Variants in ILKAP observed in about 807,000 individuals in gnomAD.
ILKAP encodes the protein integrin-linked kinase-associated serine/threonine phosphatase 2C.
Under a neutral mutation model 49.1 loss-of-function variants are expected in ILKAP, and 11 were observed. The ratio of observed to expected loss-of-function variants is 0.22; its 90% CI spans 0.14 to 0.37. The LOEUF (loss-of-function observed/expected upper bound fraction) is 0.37. ILKAP is among the 10% of genes least tolerant of loss of function. ILKAP has a pLI of 1.00. For missense variants in ILKAP, 363 were observed against 510.8 expected (o/e 0.71, Z 2.79); for synonymous variants, 186 against 192.8 (o/e 0.96, Z 0.29).
At chr2:238,183,179 C>T (rs1693767131) in intron 8 of ILKAP, among the ~76,000 whole-genome samples, 2 of 152,262 alleles carry the variant, frequency 1.3e-5, no homozygotes, top group Admixed American at 1.3e-4. Flanking sequence ...AGCCAGGGAC[C>T]GGGCTCGGGT....
chr2:238,203,115 G>A (rs1216909683), intron 1 of ILKAP, among the ~76,000 whole-genome samples: 1 of 151,536 alleles, frequency 6.6e-6, no homozygotes, highest in Non-Finnish European at 1.5e-5. Flanking sequence ...GACGCGCAAG[G>A]CAGCCCAGGC....
intron 7 of ILKAP, 74 bp from the exon 8 acceptor site, chr2:238,183,814 T>C: frequency 8.8e-7 from 1 of 1,140,372 alleles, no homozygotes; most frequent in South Asian, 1.3e-5. Flanking sequence ...CAGAGCTCAA[T>C]GGGAAGTATC....
intron 6 of ILKAP, 51 bp from the exon 7 acceptor site, chr2:238,184,164 C>T (rs1191595066): frequency 1.0e-6 from 1 of 973,764 alleles, no homozygotes; most frequent in African/African-American, 1.6e-5. Flanking sequence ...GGAAGATTAT[C>T]CTCCTCCCAC....
At chr2:238,201,646 G>GC (rs1694573889) in intron 1 of ILKAP, among the ~76,000 whole-genome samples, 1 of 152,224 alleles carries the variant, frequency 6.6e-6, no homozygotes, top group Non-Finnish European at 1.5e-5. Context: ...GAGTTGCCAG[G>GC]TTTTTTGTCA....
intron 1 of ILKAP, among the ~76,000 whole-genome samples, chr2:238,195,566 T>G (rs1452203160): frequency 6.6e-6 from 1 of 152,234 alleles, no homozygotes; most frequent in Non-Finnish European, 1.5e-5. Flanking sequence ...CACATAAAAT[T>G]TAACGACCAT....
chr2:238,171,613 G>A (rs540002759), intron 10 of ILKAP, among the ~76,000 whole-genome samples: 8 of 152,224 alleles, frequency 5.3e-5, no homozygotes, highest in Non-Finnish European at 1.2e-4. Context: ...ATTAGGTGCT[G>A]TACTTTCTTA....
intron 9 of ILKAP, among the ~76,000 whole-genome samples, chr2:238,175,708 G>C (rs1239721020): frequency 6.6e-6 from 1 of 152,192 alleles, no homozygotes; most frequent in African/African-American, 2.4e-5. Context: ...TGATGAAGCT[G>C]GTTGGGACTC....
At chr2:238,193,696 G>T (rs556676405) in intron 3 of ILKAP, among the ~76,000 whole-genome samples, 43 of 152,190 alleles carry the variant, frequency 2.8e-4, no homozygotes, top group African/African-American at 1.0e-3. Flanking sequence ...AAATATACCT[G>T]CATACGAAAT....
intron 1 of ILKAP, among the ~76,000 whole-genome samples, chr2:238,198,633 C>T (rs1287815931): frequency 6.6e-6 from 1 of 152,052 alleles, no homozygotes; most frequent in African/African-American, 2.4e-5. Flanking sequence ...TGGAAGAGGC[C>T]CCTCCCCTAA....
chr2:238,180,883 G>A (rs1693661427), intron 9 of ILKAP, among the ~76,000 whole-genome samples: 1 of 152,242 alleles, frequency 6.6e-6, no homozygotes, highest in Non-Finnish European at 1.5e-5. Context: ...ACAAGAAAGG[G>A]GAGAAGAGGT....
intron 10 of ILKAP, among the ~76,000 whole-genome samples, 196 bp from the exon 11 acceptor site, chr2:238,171,220 C>T (rs531810650): frequency 8.4e-4 from 121 of 144,876 alleles, no homozygotes; most frequent in African/African-American, 3.0e-3. Context: ...AGTGCAATGA[C>T]GCAATCTTGG....
At chr2:238,176,258 C>T (rs527743132) in intron 9 of ILKAP, among the ~76,000 whole-genome samples, 79 of 151,830 alleles carry the variant, frequency 5.2e-4, no homozygotes, top group African/African-American at 1.8e-3. Flanking sequence ...CTCAACCTCC[C>T]GAGTAGCTGG....
intron 8 of ILKAP, among the ~76,000 whole-genome samples, chr2:238,182,639 G>GC (rs1693745905): frequency 6.6e-6 from 1 of 152,212 alleles, no homozygotes. Flanking sequence ...AGGTGTTCTC[G>GC]CCCCTGCCAG....
intron 9 of ILKAP, among the ~76,000 whole-genome samples, chr2:238,178,783 G>A (rs912985178): frequency 1.3e-5 from 2 of 149,906 alleles, no homozygotes; most frequent in Non-Finnish European, 3.0e-5. Flanking sequence ...CTACACTGAT[G>A]TAAATCAATT....
intron 9 of ILKAP, among the ~76,000 whole-genome samples, chr2:238,181,035 T>C (rs1012769522): frequency 3.3e-5 from 5 of 152,224 alleles, no homozygotes; most frequent in African/African-American, 1.2e-4. Context: ...TCACTGCTCA[T>C]GTAAACTGCA....
At position 238,203,519 on chromosome 2, in the gene ILKAP, C is replaced by T; in HGVS notation, c.35G>A (p.Arg12His). The T allele has an allele frequency of 8.0e-7, 1 of 1,244,304 alleles. No homozygotes were observed. The highest frequency in any genetic ancestry group is 1.0e-6 in the Non-Finnish European group (1 of 985,878). 77.1% of individuals were successfully genotyped at this position (1,244,304 alleles called of 1,614,324 possible). Residue 12 changes from arginine (R) to histidine (H), a missense_variant, in exon 1 of 12, where the codon CGC (arginine) becomes CAC (histidine). By Grantham distance (29) the Arg-to-His change is conservative (BLOSUM62 0). Around this residue, in one of 3 missense-constraint regions of ILKAP, gnomAD observed 114 missense variants for 116.0 expected, o/e 0.98. Coordinates refer to ENST00000254654, the MANE Select transcript of ILKAP (RefSeq NM_030768.3). ...DLFGDLPEPE[R>H]SPRPAAGKEA... ...CTTACCGGCAGCCGGGCGCGGCGAG[C>T]GCTCGGGCTCCGGCAGGTCCCCGAA...
chr2:238,188,184 G>C lies in ILKAP; in HGVS notation c.372C>G (p.Ala124=). ...RKGEREEMQD[A]HVILNDITEE... ...CGGTGATGTCGTTCAGGATGACGTG[G>C]GCATCCTGCATCTCCTCCCTCTCAC... is the stretch of plus-strand genomic sequence containing the variant. Residue 124 remains alanine (A), a synonymous_variant, in exon 5 of 12, where the codon GCC becomes GCG. Transcript: ENST00000254654. 1 of 1,614,012 alleles carries C rather than the reference G, an allele frequency of 6.2e-7. No individual in the cohort carries two copies. The highest frequency in any genetic ancestry group is 2.2e-5 in the East Asian group (1 of 44,874).
Position 238,187,395 on chromosome 2 carries a change from G to T in ILKAP, c.425+736C>A, listed in dbSNP as rs1247732950. ...GCACACTGTATGTTAATGACCAACT[G>T]GTGTCAGTAAAGGTACGTAATGTAT... is the stretch of plus-strand genomic sequence containing the variant. On this transcript the variant is annotated intron_variant, in intron 5 of 11. Coordinates refer to ENST00000254654, the MANE Select transcript of ILKAP (RefSeq NM_030768.3). Among the ~76,000 whole-genome samples, 5 of 152,102 alleles carry T rather than the reference G, an allele frequency of 3.3e-5. No homozygotes were observed. In the East Asian group the frequency reaches 9.6e-4, roughly 29 times the overall value.
intron 10 of ILKAP, 136 bp from the exon 11 acceptor site, chr2:238,171,160 CTTTTTTTT>C (rs370968879): frequency 2.5e-6 from 1 of 399,394 alleles, no homozygotes; most frequent in African/African-American, 2.3e-5. Flanking sequence ...TTTCTTTTTT[CTTTTTTTT>C]TTTTTTTTGA....
Sources: gnomAD v4.1 joint callset for allele counts (sites outside exome capture counted in the v4.1 genomes callset) on GRCh38, gnomAD v4.1.1 for gene constraint, gnomAD v4.1.1 regional missense constraint, MANE v1.5 for transcripts, NCBI Gene and HGNC (gene_info 2026-07-23, HGNC 2026-07-21) for gene names.